The following ARHGAP42 variants were observed in gnomAD, a reference collection of about 807,000 sequenced individuals.
ARHGAP42 encodes rho GTPase-activating protein 42.
Under a neutral mutation model 125.0 loss-of-function variants are expected in ARHGAP42, and 63 were observed. That is an observed-to-expected ratio of 0.50 (90% CI 0.41 to 0.62). ARHGAP42 has a LOEUF of 0.62. Ranked by LOEUF, ARHGAP42 falls within the 20% of genes least tolerant of loss-of-function variation. The probability of loss-of-function intolerance (pLI) is 0.00; values close to 1 mark genes in which losing one functional copy is unlikely to be tolerated. For missense variants in ARHGAP42, 766 were observed against 1,024.2 expected, an observed-to-expected ratio of 0.75 and a Z score of 3.44; for synonymous variants, 339 against 351.0, an observed-to-expected ratio of 0.97 and a Z score of 0.38.
intron 3 of ARHGAP42, among the ~76,000 whole-genome samples, chr11:100,808,692 AC>A (rs1381875650): frequency 2.6e-5 from 4 of 152,146 alleles, no homozygotes; most frequent in African/African-American, 9.7e-5. Context: ...GGCGTGAGCC[AC>A]CGCGCCCGGC....
intron 3 of ARHGAP42, among the ~76,000 whole-genome samples, chr11:100,856,355 C>T (rs982838364): frequency 6.6e-6 from 1 of 152,048 alleles, no homozygotes; most frequent in African/African-American, 2.4e-5. Flanking sequence ...CTTGACTTCA[C>T]ACTTGGATTG....
intron 23 of ARHGAP42, 63 bp from the exon 24 acceptor site, chr11:100,988,648 ATC>A: frequency 7.4e-7 from 1 of 1,342,328 alleles, no homozygotes; most frequent in Non-Finnish European, 1.0e-6. Context: ...TGTTTAACCC[ATC>A]TGTTTATATA....
chr11:100,689,829 A>C (rs1271631979), intron 1 of ARHGAP42, among the ~76,000 whole-genome samples: 4 of 152,224 alleles, frequency 2.6e-5, no homozygotes, highest in African/African-American at 9.6e-5. Context: ...AGCAGCTGCC[A>C]AATGGGAGGG....
At chr11:100,785,305 C>T (rs1045837602) in intron 2 of ARHGAP42, among the ~76,000 whole-genome samples, 1 of 152,048 alleles carries the variant, frequency 6.6e-6, no homozygotes, top group African/African-American at 2.4e-5. Flanking sequence ...AATCAGGAGG[C>T]CGGGCCATCT....
chr11:100,859,510 A>C (rs374009403), intron 3 of ARHGAP42, 44 bp from the exon 4 acceptor site: 1 of 1,476,192 alleles, frequency 6.8e-7, no homozygotes, highest in Non-Finnish European at 9.1e-7. Context: ...TGTTGTTGGC[A>C]TGAAATTATG....
chr11:100,691,932 C>T (rs1232750225), intron 1 of ARHGAP42, among the ~76,000 whole-genome samples: 1 of 151,968 alleles, frequency 6.6e-6, no homozygotes, highest in Non-Finnish European at 1.5e-5. Context: ...ATATATATAA[C>T]ATCATGTTAT....
intron 16 of ARHGAP42, 101 bp from the exon 17 acceptor site, chr11:100,965,570 A>G (rs987412713): frequency 2.2e-5 from 21 of 962,126 alleles, no homozygotes; most frequent in Middle Eastern, 3.1e-4. Context: ...CCTATGAGGC[A>G]TGAGGGGTAG....
chr11:100,779,564 A>ATATATACGTATATATACATATATACGTG, intron 2 of ARHGAP42, among the ~76,000 whole-genome samples: 1 of 147,356 alleles, frequency 6.8e-6, no homozygotes, highest in Admixed American at 6.8e-5. Flanking sequence ...ATACATACGT[A>ATATATACGTATATATACATATATACGTG]TATATACGTA....
At chr11:100,757,940 C>T (rs540883642) in intron 1 of ARHGAP42, among the ~76,000 whole-genome samples, 65 of 152,158 alleles carry the variant, frequency 4.3e-4, no homozygotes, top group African/African-American at 1.2e-3. Flanking sequence ...AGTTACCATC[C>T]GTTATAAAAT....
chr11:100,847,633 C>A (rs761848384), intron 3 of ARHGAP42, among the ~76,000 whole-genome samples: 13 of 151,984 alleles, frequency 8.6e-5, no homozygotes, highest in Non-Finnish European at 1.6e-4. Flanking sequence ...GCTAATTTAA[C>A]CTGGAGAGAT....
intron 3 of ARHGAP42, among the ~76,000 whole-genome samples, chr11:100,809,273 G>A (rs1404786967): frequency 1.3e-5 from 2 of 152,132 alleles, no homozygotes; most frequent in African/African-American, 4.8e-5. Context: ...AAAAAGAAAG[G>A]TAGGAGAGGC....
chr11:100,806,788 C>G (rs1705092995), intron 3 of ARHGAP42, among the ~76,000 whole-genome samples: 1 of 151,982 alleles, frequency 6.6e-6, no homozygotes, highest in Admixed American at 6.6e-5. Flanking sequence ...TATTTTAGTG[C>G]TAATAATCAT....
At chr11:100,875,828 T>G (rs1049689679) in intron 4 of ARHGAP42, among the ~76,000 whole-genome samples, 6 of 151,580 alleles carry the variant, frequency 4.0e-5, no homozygotes, top group African/African-American at 1.2e-4. Flanking sequence ...AAATAAAGAG[T>G]AACATTTTTT....
At chr11:100,939,627 C>T (rs1238126442) in intron 8 of ARHGAP42, among the ~76,000 whole-genome samples, 1 of 152,168 alleles carries the variant, frequency 6.6e-6, no homozygotes, top group African/African-American at 2.4e-5. Flanking sequence ...TGCAAATATT[C>T]ATCTCAGCAA....
At chr11:100,937,806 G>A (rs1004898640) in intron 8 of ARHGAP42, among the ~76,000 whole-genome samples, 2 of 151,932 alleles carry the variant, frequency 1.3e-5, no homozygotes, top group African/African-American at 4.8e-5. Flanking sequence ...TATCATATTC[G>A]GTCCTACTTG....
chr11:100,876,096 C>G (rs1934516966), intron 4 of ARHGAP42, among the ~76,000 whole-genome samples: 1 of 152,132 alleles, frequency 6.6e-6, no homozygotes, highest in African/African-American at 2.4e-5. Context: ...TGCAAAATAC[C>G]TTCTCTGGTA....
At chr11:100,707,506 A>G (rs1861497863) in intron 1 of ARHGAP42, among the ~76,000 whole-genome samples, 1 of 152,218 alleles carries the variant, frequency 6.6e-6, no homozygotes, top group African/African-American at 2.4e-5. Flanking sequence ...TCTATTAATT[A>G]TAGATGGATA....
At chr11:100,854,011 C>T (rs977307256) in intron 3 of ARHGAP42, among the ~76,000 whole-genome samples, 3 of 151,750 alleles carry the variant, frequency 2.0e-5, no homozygotes, top group African/African-American at 7.3e-5. Context: ...GATCATTAGA[C>T]ATAAAGTAAA....
intron 1 of ARHGAP42, among the ~76,000 whole-genome samples, chr11:100,700,418 A>G (rs1861377608): frequency 6.6e-6 from 1 of 152,234 alleles, no homozygotes; most frequent in Non-Finnish European, 1.5e-5. Context: ...CTTCTTGCAC[A>G]AAAGATTTCT....
Sources: allele counts gnomAD v4.1 joint callset (sites outside exome capture counted in the v4.1 genomes callset), GRCh38; gene constraint gnomAD v4.1.1; transcripts MANE v1.5; gene names NCBI Gene and HGNC (gene_info 2026-07-23, HGNC 2026-07-21).